Variants in KLF12 observed in about 807,000 individuals in gnomAD.
KLF12 encodes Krueppel-like factor 12.
KLF12 carries 9 observed loss-of-function variants against 37.8 expected under a neutral mutation model. The observed-to-expected ratio is 0.24, with a 90% CI of 0.14 to 0.42. The LOEUF (loss-of-function observed/expected upper bound fraction) is 0.42. Ranked by LOEUF, KLF12 falls within the 10% of genes least tolerant of loss-of-function variation. The pLI is 1.00. For missense variants in KLF12, 411 were observed against 516.0 expected (o/e 0.80, Z 1.97); for synonymous variants, 208 against 202.1 (o/e 1.03, Z -0.25).
At chr13:74,190,742 A>G in the KLF12 span, among the ~76,000 whole-genome samples, 1 of 152,318 alleles carries the variant, frequency 6.6e-6, no homozygotes, top group Non-Finnish European at 1.5e-5. Flanking sequence ...AAACTTTCAT[A>G]GAGACTTTAT....
intron 7 of KLF12, among the ~76,000 whole-genome samples, chr13:73,704,532 C>A (rs1280365419): frequency 6.6e-6 from 1 of 152,182 alleles, no homozygotes; most frequent in Non-Finnish European, 1.5e-5. Flanking sequence ...AGTTTATCCC[C>A]ACAGTGGTGG....
At chr13:74,164,760 T>A in the KLF12 span, among the ~76,000 whole-genome samples, 5,204 of 152,204 alleles carry the variant, frequency 0.034, 203 homozygotes, top group African/African-American at 0.091. Flanking sequence ...AATGGGATCA[T>A]CCAGTGGAAC....
At chr13:73,920,870 A>T (rs186704622) in intron 3 of KLF12, among the ~76,000 whole-genome samples, 161 of 152,160 alleles carry the variant, frequency 1.1e-3, no homozygotes, top group Admixed American at 3.4e-3. Flanking sequence ...CCCTGCTCCC[A>T]CTACCAGGCT....
the KLF12 span, among the ~76,000 whole-genome samples, chr13:74,143,161 T>C: frequency 1.4e-4 from 21 of 151,542 alleles, 1 homozygote; most frequent in Admixed American, 1.3e-3. Flanking sequence ...TCCTTCCTCT[T>C]CTTCTTCTTT....
chr13:74,057,991 G>C (rs905474813), intron 1 of KLF12, among the ~76,000 whole-genome samples: 2 of 150,000 alleles, frequency 1.3e-5, no homozygotes, highest in African/African-American at 4.9e-5. Context: ...TTTTGAGATG[G>C]AGTCTCACTC....
chr13:73,918,748 G>A (rs1362206089), intron 3 of KLF12, among the ~76,000 whole-genome samples: 7 of 152,184 alleles, frequency 4.6e-5, no homozygotes, highest in Admixed American at 4.6e-4. Context: ...AGTTTGGCTA[G>A]ACACTGGATT....
At chr13:73,811,926 T>C (rs1882961380) in intron 5 of KLF12, among the ~76,000 whole-genome samples, 3 of 152,222 alleles carry the variant, frequency 2.0e-5, no homozygotes, top group Admixed American at 2.0e-4. Flanking sequence ...CAAGGCTCTC[T>C]TTTCTTTGTT....
chr13:73,838,763 G>A (rs769660490), intron 4 of KLF12, among the ~76,000 whole-genome samples: 27 of 152,170 alleles, frequency 1.8e-4, no homozygotes, highest in Non-Finnish European at 3.2e-4. Flanking sequence ...TTTTATTACC[G>A]TCATCTGGAC....
Position 74,123,103 on chromosome 13 carries a change from G to A in KLF12, c.-32+10636C>T, listed in dbSNP as rs191233380. On this transcript the variant is annotated intron_variant, in intron 1 of 7. Coordinates refer to ENST00000377669, the MANE Select transcript of KLF12 (RefSeq NM_007249.5). ...TTATTTTCTAACGATCTTCAGTTGT[G>A]TTTCTTTGAAAACTTAAAGAGTCAC... is the stretch of plus-strand genomic sequence containing the variant. Among the ~76,000 whole-genome samples the A allele has an allele frequency of 2.5e-3, 376 of 151,960 alleles. 5 individuals are homozygous for A. The highest frequency in any genetic ancestry group is 8.2e-3 in the African/African-American group (339 of 41,462).
At chr13:74,283,704 T>C in the KLF12 span, among the ~76,000 whole-genome samples, 20 of 152,298 alleles carry the variant, frequency 1.3e-4, no homozygotes, top group African/African-American at 4.8e-4. Flanking sequence ...TCTGTTAAAA[T>C]GAGGATAATG....
intron 6 of KLF12, among the ~76,000 whole-genome samples, chr13:73,738,299 C>T (rs1260557713): frequency 8.3e-6 from 1 of 120,084 alleles, no homozygotes; most frequent in Non-Finnish European, 1.8e-5. Flanking sequence ...TGCCCACCAC[C>T]ACGCCTGGCT....
At chr13:74,183,859 C>T in the KLF12 span, among the ~76,000 whole-genome samples, 1 of 152,150 alleles carries the variant, frequency 6.6e-6, no homozygotes, top group Non-Finnish European at 1.5e-5. Context: ...ATTGCTTGAG[C>T]CTGGGGGACG....
intron 5 of KLF12, among the ~76,000 whole-genome samples, chr13:73,784,318 AC>A (rs1298444210): frequency 6.6e-6 from 1 of 152,078 alleles, no homozygotes; most frequent in Admixed American, 6.6e-5. Context: ...TATAAAATTA[AC>A]CCTTAACTCC....
chr13:73,883,047 TGAG>T (rs755397497), intron 3 of KLF12, among the ~76,000 whole-genome samples: 6 of 152,206 alleles, frequency 3.9e-5, no homozygotes, highest in Admixed American at 6.5e-5. Flanking sequence ...CTAATCATTG[TGAG>T]GAGGACTGCT....
At chr13:74,165,766 T>G in the KLF12 span, among the ~76,000 whole-genome samples, 18 of 152,300 alleles carry the variant, frequency 1.2e-4, no homozygotes, top group Middle Eastern at 3.4e-3. Flanking sequence ...TAGCTACAAC[T>G]CCTTCACATG....
At chr13:73,775,257 C>T (rs1345595426) in intron 5 of KLF12, among the ~76,000 whole-genome samples, 2 of 152,102 alleles carry the variant, frequency 1.3e-5, no homozygotes, top group Admixed American at 1.3e-4. Context: ...TTAATTCCAC[C>T]TTTATTTTCA....
intron 1 of KLF12, among the ~76,000 whole-genome samples, chr13:74,120,831 G>A (rs929197956): frequency 6.6e-6 from 1 of 152,046 alleles, no homozygotes; most frequent in African/African-American, 2.4e-5. Flanking sequence ...GCTGTGAGAA[G>A]TTAATGATGT....
At chr13:73,764,020 GTGTC>G (rs1270224612) in intron 6 of KLF12, among the ~76,000 whole-genome samples, 1 of 152,006 alleles carries the variant, frequency 6.6e-6, no homozygotes, top group Admixed American at 6.6e-5. Flanking sequence ...TCATTATTTT[GTGTC>G]TAAAAATAAT....
chr13:73,772,378 C>A (rs767542446), intron 5 of KLF12, among the ~76,000 whole-genome samples: 3 of 152,268 alleles, frequency 2.0e-5, no homozygotes, highest in African/African-American at 2.4e-5. Context: ...AAATAATTGA[C>A]CATGATGGTG....
Sources: gnomAD v4.1 joint callset for allele counts (sites outside exome capture counted in the v4.1 genomes callset) on GRCh38, gnomAD v4.1.1 for gene constraint, MANE v1.5 for transcripts, NCBI Gene and HGNC (gene_info 2026-07-23, HGNC 2026-07-21) for gene names.